SLC22A16: variants seen among roughly 807,000 people sequenced by gnomAD.
SLC22A16 encodes solute carrier family 22 member 16.
Under a neutral mutation model 52.9 loss-of-function variants are expected in SLC22A16, and 53 were observed. The ratio of observed to expected loss-of-function variants is 1.00; its 90% CI spans 0.80 to 1.26. SLC22A16 has a LOEUF of 1.26. Ranked by LOEUF, SLC22A16 falls within the 50% of genes most tolerant of loss-of-function variation. SLC22A16 has a pLI of 0.00. For synonymous variants in SLC22A16, 291 were observed against 268.8 expected (o/e 1.08, Z -0.81); for missense variants, 726 against 704.0 (o/e 1.03, Z -0.35).
intron 1 of SLC22A16, chr6:110,476,125 C>T (rs561466760): frequency 1.3e-5 from 5 of 395,540 alleles, no homozygotes; most frequent in East Asian, 1.4e-4. Context: ...GGGCAGCAGC[C>T]GTCTAGGGAA....
At chr6:110,462,186 C>T (rs368606951) in intron 1 of SLC22A16, among the ~76,000 whole-genome samples, 4 of 152,158 alleles carry the variant, frequency 2.6e-5, no homozygotes, top group Admixed American at 6.5e-5. Flanking sequence ...TCCCACAACA[C>T]GTGGGAATTA....
At chr6:110,474,160 C>T (rs2017114) in intron 1 of SLC22A16, among the ~76,000 whole-genome samples, 21,489 of 152,094 alleles carry the variant, frequency 0.14, 3,965 homozygotes, top group African/African-American at 0.43. Flanking sequence ...TGAAACAGTT[C>T]CATCCTGAAA....
chr6:110,450,080 G>A (rs1775316470), intron 2 of SLC22A16, among the ~76,000 whole-genome samples: 1 of 152,076 alleles, frequency 6.6e-6, no homozygotes, highest in South Asian at 2.1e-4. Context: ...TTCAGAAACA[G>A]TGTGATGCAG....
intron 1 of SLC22A16, among the ~76,000 whole-genome samples, chr6:110,473,997 C>T (rs961122463): frequency 6.6e-6 from 1 of 152,124 alleles, no homozygotes; most frequent in Admixed American, 6.5e-5. Context: ...AGGTGAGCAG[C>T]GGCCAGCGAG....
intron 5 of SLC22A16, among the ~76,000 whole-genome samples, 186 bp from the exon 6 acceptor site, chr6:110,436,147 C>T (rs536472061): frequency 1.7e-4 from 26 of 152,258 alleles, no homozygotes; most frequent in African/African-American, 5.1e-4. Flanking sequence ...TCCATCTTTA[C>T]GAAATGTGGA....
At chr6:110,458,222 G>A (rs926388683) in intron 1 of SLC22A16, among the ~76,000 whole-genome samples, 3 of 152,140 alleles carry the variant, frequency 2.0e-5, no homozygotes, top group Non-Finnish European at 2.9e-5. Context: ...CGTGACCCAC[G>A]TGACCTTACC....
At chr6:110,450,513 G>C (rs936145643) in intron 2 of SLC22A16, among the ~76,000 whole-genome samples, 1 of 149,834 alleles carries the variant, frequency 6.7e-6, no homozygotes, top group Non-Finnish European at 1.5e-5. Flanking sequence ...TCGGGAGGCT[G>C]AGGCAGGAGA....
In SLC22A16 at chr6:110,446,875, T is replaced by C; in HGVS notation, c.649A>G (p.Met217Val). The C allele has an allele frequency of 6.2e-7, 1 of 1,608,874 alleles. No homozygotes were observed. The highest frequency in any genetic ancestry group is 8.5e-7 in the Non-Finnish European group (1 of 1,178,460). ...AAGAAGTAAAAAACACAACTCACCATGGCAAGAAAAAAGCGAGCAGCCATG... is the reference window on the plus strand; with the variant it reads ...AAGAAGTAAAAAACACAACTCACCACGGCAAGAAAAAAGCGAGCAGCCATG... ...TFMAARFFLAMVASGYLVVGF... is the reference protein window; with the variant it reads ...TFMAARFFLAVVASGYLVVGF... Residue 217 changes from methionine (M) to valine (V), a missense_variant and splice_region_variant, in exon 3 of 8, where the codon ATG (methionine) becomes GTG (valine). Coordinates refer to ENST00000368919, the MANE Select transcript of SLC22A16 (RefSeq NM_033125.4).
chr6:110,467,975 G>A (rs898323619), intron 1 of SLC22A16, among the ~76,000 whole-genome samples: 9 of 152,294 alleles, frequency 5.9e-5, no homozygotes, highest in African/African-American at 2.2e-4. Context: ...CTGGCATGTA[G>A]CCACCATTCC....
Position 110,435,846 on chromosome 6 carries a change from C to T in SLC22A16, c.1421+6G>A. The T allele has an allele frequency of 6.3e-7, 1 of 1,579,438 alleles. No homozygotes were observed. Among genetic ancestry groups the T allele is most frequent in the Non-Finnish European group, 8.6e-7 (1 of 1,157,808 alleles). ...GGAAAACAACCAGAAAACAATTCAT[C>T]CTTACCTTACAATGGTTGGATACAG... On this transcript the variant is annotated splice_donor_region_variant and intron_variant, in intron 6 of 7. Transcript: ENST00000368919.
intron 2 of SLC22A16, chr6:110,453,766 G>A (rs1230157666): frequency 2.2e-6 from 1 of 451,856 alleles, no homozygotes; most frequent in Non-Finnish European, 4.4e-6. Context: ...GAACACCTAA[G>A]ACTGGATAAT....
At chr6:110,468,645 C>CAAAA (rs769660816) in intron 1 of SLC22A16, among the ~76,000 whole-genome samples, 10 of 86,882 alleles carry the variant, frequency 1.2e-4, no homozygotes, top group African/African-American at 2.8e-4. Flanking sequence ...GGCTCTGTCT[C>CAAAA]AAAAAAAAAA....
chr6:110,452,529 G>T (rs1451463899), intron 2 of SLC22A16, among the ~76,000 whole-genome samples: 1 of 152,062 alleles, frequency 6.6e-6, no homozygotes, highest in Non-Finnish European at 1.5e-5. Flanking sequence ...CAAAGGAAAA[G>T]CTTTTAACAT....
At chr6:110,468,977 C>T (rs921247551) in intron 1 of SLC22A16, among the ~76,000 whole-genome samples, 2 of 152,164 alleles carry the variant, frequency 1.3e-5, no homozygotes, top group Non-Finnish European at 2.9e-5. Context: ...CCTTGGGAAG[C>T]AGGCTTGTCC....
chr6:110,465,573 C>A (rs1033818108), intron 1 of SLC22A16, among the ~76,000 whole-genome samples: 21 of 152,056 alleles, frequency 1.4e-4, no homozygotes, highest in African/African-American at 5.1e-4. Flanking sequence ...CCTAGGAATA[C>A]ACTTAACCAA....
chr6:110,436,438 A>T (rs1774732678), intron 5 of SLC22A16, among the ~76,000 whole-genome samples: 1 of 152,210 alleles, frequency 6.6e-6, no homozygotes, highest in Non-Finnish European at 1.5e-5. Flanking sequence ...CAGCCAGGGC[A>T]ACATAGCAAG....
At chr6:110,463,484 C>A (rs1352909484) in intron 1 of SLC22A16, among the ~76,000 whole-genome samples, 1 of 29,540 alleles carries the variant, frequency 3.4e-5, no homozygotes, top group Non-Finnish European at 6.9e-5. Context: ...CTTCTTATAT[C>A]AGATAAAACA....
intron 1 of SLC22A16, chr6:110,476,157 G>C (rs1339024745): frequency 7.2e-6 from 3 of 419,574 alleles, no homozygotes; most frequent in African/African-American, 2.1e-5. Context: ...TTAGAGAAAC[G>C]GGCGGCCAGG....
Position 110,456,990 on chromosome 6 carries a change from A to G in SLC22A16, c.81T>C (p.Cys27=), listed in dbSNP as rs1562294850. Residue 27 remains cysteine, a synonymous_variant, in exon 2 of 8, where the codon TGT becomes TGC. Transcript: ENST00000368919. The part of the protein sequence containing the change: ...GRFQRVLYFI[C]AFQNISCGIH... ...TACCACAAGAGATGTTCTGGAAGGC[A>G]CATATGAAATAGAGGACTCTCTGGA... is the stretch of plus-strand genomic sequence containing the variant. 2 of 1,553,828 alleles carry G rather than the reference A, an allele frequency of 1.3e-6. No homozygotes were observed.
Sources: gnomAD v4.1 joint callset for allele counts (sites outside exome capture counted in the v4.1 genomes callset) on GRCh38, gnomAD v4.1.1 for gene constraint, MANE v1.5 for transcripts, NCBI Gene and HGNC (gene_info 2026-07-23, HGNC 2026-07-21) for gene names.